The following PHF14 variants were observed in gnomAD, a reference collection of about 807,000 sequenced individuals.
PHF14 encodes the protein PHD finger protein 14.
A neutral mutation model predicts 117.9 loss-of-function variants in PHF14; 55 were observed. The observed-to-expected ratio is 0.47, with a 90% CI of 0.38 to 0.58. The LOEUF is 0.58. PHF14 is among the 20% of genes least tolerant of loss of function. The pLI, the probability that PHF14 is intolerant of heterozygous loss-of-function variation, is 0.00. For missense variants in PHF14, 978 were observed against 1,122.2 expected (o/e 0.87, Z 1.84); for synonymous variants, 409 against 368.6 (o/e 1.11, Z -1.26).
chr7:11,070,872 T>C (rs1562450516), intron 16 of PHF14, among the ~76,000 whole-genome samples: 1 of 152,376 alleles, frequency 6.6e-6, no homozygotes, highest in Non-Finnish European at 1.5e-5. Flanking sequence ...TTTGCAACTC[T>C]ATACAATTAA....
intron 5 of PHF14, among the ~76,000 whole-genome samples, chr7:11,021,354 A>C (rs1037475838): frequency 6.6e-6 from 1 of 152,186 alleles, no homozygotes; most frequent in African/African-American, 2.4e-5. Context: ...GTGCATCTAA[A>C]CAGATGAGCA....
intron 3 of PHF14, among the ~76,000 whole-genome samples, chr7:10,989,610 A>G (rs1358089808): frequency 6.6e-6 from 1 of 152,152 alleles, no homozygotes; most frequent in East Asian, 1.9e-4. Flanking sequence ...TCTTTTAAAT[A>G]TTAGTTTATT....
At chr7:11,052,021 G>A (rs1380655936) in intron 14 of PHF14, among the ~76,000 whole-genome samples, 1 of 152,086 alleles carries the variant, frequency 6.6e-6, no homozygotes, top group Non-Finnish European at 1.5e-5. Context: ...CACCCACCTT[G>A]AAAGACAGAC....
At chr7:11,087,197 C>CTT (rs34960792) in intron 16 of PHF14, among the ~76,000 whole-genome samples, 24 of 149,462 alleles carry the variant, frequency 1.6e-4, no homozygotes, top group East Asian at 4.0e-4. Context: ...GCCCTTCTTT[C>CTT]TTTTTTTTTG....
At chr7:11,023,721 A>T (rs1783815356) in intron 6 of PHF14, among the ~76,000 whole-genome samples, 1 of 152,174 alleles carries the variant, frequency 6.6e-6, no homozygotes, top group Admixed American at 6.5e-5. Context: ...CCAGCCACTC[A>T]GGAGGCTGAG....
At chr7:11,065,575 A>G (rs558416599) in intron 16 of PHF14, among the ~76,000 whole-genome samples, 1 of 152,172 alleles carries the variant, frequency 6.6e-6, no homozygotes, top group African/African-American at 2.4e-5. Context: ...ATAAAGGACA[A>G]TTGATTTTTT....
rs3801440 is a variant in PHF14 at position 11,051,853 on chromosome 7, A to G, written c.2481+73A>G. The G allele has an allele frequency of 6.9e-3, 8,586 of 1,245,282 alleles. 381 individuals are homozygous for G. The East Asian group carries it at 0.12, about 18-fold the overall frequency. The allele number at this position is 1,245,282 out of a possible 1,614,324, so 77.1% of individuals were successfully genotyped here. On this transcript the variant is annotated intron_variant, in intron 14 of 17. Transcript: ENST00000634607. ...AAATTTAAGAGAGTGAGAAAGACAC[A>G]GGGCAAACATATACTCAGAAGTCAA...
chr7:11,060,029 C>A (rs1785162564), intron 14 of PHF14, among the ~76,000 whole-genome samples: 1 of 151,962 alleles, frequency 6.6e-6, no homozygotes. Context: ...CACAACCATG[C>A]CTAGCTGATT....
At chr7:11,083,201 T>G (rs1198131775) in intron 16 of PHF14, among the ~76,000 whole-genome samples, 2 of 152,224 alleles carry the variant, frequency 1.3e-5, no homozygotes, top group Non-Finnish European at 2.9e-5. Flanking sequence ...TTTTGGTGAC[T>G]GGCCAAAGAG....
chr7:11,089,691 T>G (rs547792100), intron 16 of PHF14, among the ~76,000 whole-genome samples: 1 of 152,200 alleles, frequency 6.6e-6, no homozygotes, highest in Admixed American at 6.5e-5. Flanking sequence ...TGGTTGATTA[T>G]TGCCTCATGA....
At chr7:11,159,736 A>G (rs1370760510) in intron 17 of PHF14, among the ~76,000 whole-genome samples, 1 of 152,178 alleles carries the variant, frequency 6.6e-6, no homozygotes, top group African/African-American at 2.4e-5. Context: ...CATGTGAACT[A>G]CAAAGATCTT....
At chr7:11,098,665 C>T (rs181590353) in intron 16 of PHF14, among the ~76,000 whole-genome samples, 26 of 152,286 alleles carry the variant, frequency 1.7e-4, no homozygotes, top group Admixed American at 1.0e-3. Flanking sequence ...CCACTGCACC[C>T]GGCTGTTCTT....
At chr7:11,062,938 T>A (rs1234871842) in intron 16 of PHF14, 2 of 968,904 alleles carry the variant, frequency 2.1e-6, no homozygotes, top group Non-Finnish European at 2.5e-6. Context: ...TAAAGCCCTG[T>A]TAAATTAACT....
intron 16 of PHF14, among the ~76,000 whole-genome samples, chr7:11,093,633 A>G (rs180796259): frequency 6.6e-6 from 1 of 152,248 alleles, no homozygotes; most frequent in Admixed American, 6.5e-5. Context: ...TTAGCAGTAG[A>G]CTGTCACATA....
chr7:11,144,726 T>C (rs1788498657), intron 17 of PHF14, among the ~76,000 whole-genome samples: 2 of 151,754 alleles, frequency 1.3e-5, no homozygotes, highest in South Asian at 2.1e-4. Context: ...TTTTGAATGT[T>C]CGTAACACAA....
At chr7:11,088,892 A>T (rs1018705885) in intron 16 of PHF14, among the ~76,000 whole-genome samples, 2 of 152,168 alleles carry the variant, frequency 1.3e-5, no homozygotes, top group Non-Finnish European at 2.9e-5. Flanking sequence ...GTTTTATGTC[A>T]TAAGTATATG....
chr7:11,119,497 A>T (rs1787689619), intron 17 of PHF14, among the ~76,000 whole-genome samples: 1 of 151,824 alleles, frequency 6.6e-6, no homozygotes, highest in Non-Finnish European at 1.5e-5. Context: ...TGTGAGAGAC[A>T]TGTTCATTGT....
At chr7:11,057,152 C>T (rs1028056448) in intron 14 of PHF14, among the ~76,000 whole-genome samples, 1 of 151,972 alleles carries the variant, frequency 6.6e-6, no homozygotes, top group African/African-American at 2.4e-5. Flanking sequence ...ATATGTGAAG[C>T]CTAGTTTACT....
At chr7:11,099,061 A>G (rs1048615284) in intron 16 of PHF14, among the ~76,000 whole-genome samples, 1 of 152,184 alleles carries the variant, frequency 6.6e-6, no homozygotes, top group Non-Finnish European at 1.5e-5. Context: ...AATTTAAAAA[A>G]TATTCATATT....
Sources: allele counts gnomAD v4.1 joint callset (sites outside exome capture counted in the v4.1 genomes callset), GRCh38; gene constraint gnomAD v4.1.1; transcripts MANE v1.5; gene names NCBI Gene and HGNC (gene_info 2026-07-23, HGNC 2026-07-21).